Variants in TBCCD1 observed in about 807,000 individuals in gnomAD.
TBCCD1 encodes the protein TBCC domain-containing protein 1.
A neutral mutation model predicts 53.4 loss-of-function variants in TBCCD1; 26 were observed. The observed-to-expected ratio is 0.49, with a 90% CI of 0.36 to 0.68. The LOEUF (loss-of-function observed/expected upper bound fraction) is 0.68. Ranked by LOEUF, TBCCD1 falls within the 30% of genes least tolerant of loss-of-function variation. The pLI, the probability that TBCCD1 is intolerant of heterozygous loss-of-function variation, is 0.00. For missense variants in TBCCD1, 558 were observed against 669.5 expected (o/e 0.83, Z 1.84); for synonymous variants, 245 against 241.7 (o/e 1.01, Z -0.13).
intron 1 of TBCCD1, among the ~76,000 whole-genome samples, chr3:186,564,957 G>A (rs1714784281): frequency 6.6e-6 from 1 of 152,128 alleles, no homozygotes; most frequent in Non-Finnish European, 1.5e-5. Context: ...ATCCTGCTCA[G>A]TTCAGGTGTG....
chr3:186,556,693 A>T lies in TBCCD1; in HGVS notation c.575T>A (p.Leu192His). ...ATGGGTTGAATGAAATGATGCAGTG[A>T]GTTGTTTTGGATCTAAAAGCAGCTC... is the stretch of plus-strand genomic sequence containing the variant. ...LLELLLDPKQ[L>H]TASFHSTHSS... Residue 192 changes from leucine (L) to histidine (H), a missense_variant, in exon 4 of 8, where the codon CTC (leucine) becomes CAC (histidine). Physicochemically the swap from Leu to His is moderately conservative, Grantham distance 99. Transcript: ENST00000338733. The T allele has an allele frequency of 6.2e-7, 1 of 1,614,164 alleles. No homozygotes were observed. The highest frequency in any genetic ancestry group is 8.5e-7 in the Non-Finnish European group (1 of 1,180,034).
intron 5 of TBCCD1, 61 bp from the exon 6 acceptor site, chr3:186,554,812 A>T: frequency 6.3e-7 from 1 of 1,592,954 alleles, no homozygotes; most frequent in Admixed American, 1.9e-5. Flanking sequence ...TTTGACTAAA[A>T]TATTATTATC....
chr3:186,548,347 G>C (rs549155903), intron 7 of TBCCD1, among the ~76,000 whole-genome samples: 8 of 152,328 alleles, frequency 5.3e-5, no homozygotes, highest in African/African-American at 1.9e-4. Context: ...AAGGACTAAG[G>C]GGAAGAGGAA....
Position 186,563,994 on chromosome 3 carries a change from C to A in TBCCD1, c.336G>T (p.Gln112His), listed in dbSNP as rs1714753664. Residue 112 changes from glutamine (Q) to histidine (H), a missense_variant and splice_region_variant, in exon 2 of 8, where the codon CAG becomes CAT. Transcript: ENST00000338733. ...AGTATACACACATATCAATCCGTACCTGATTTCTCTGCTTTTCAACTTCCT... is the reference window on the plus strand; with the variant it reads ...AGTATACACACATATCAATCCGTACATGATTTCTCTGCTTTTCAACTTCCT... Reference protein sequence around the residue: ...SEEEVEKQRNQLSVDTLQFLL... With the variant: ...SEEEVEKQRNHLSVDTLQFLL... 2 of 1,604,442 alleles carry A rather than the reference C, an allele frequency of 1.2e-6. No individual in the cohort carries two copies. Among genetic ancestry groups the A allele is most frequent in the Admixed American group, 3.4e-5 (2 of 59,164 alleles).
chr3:186,557,615 A>G (rs1437552922), intron 3 of TBCCD1, among the ~76,000 whole-genome samples: 1 of 152,228 alleles, frequency 6.6e-6, no homozygotes, highest in African/African-American at 2.4e-5. Context: ...TTGAATGAAT[A>G]AGTTAAGAGA....
In TBCCD1 at chr3:186,555,208, A is replaced by G. The variant is rs1578968240; in HGVS notation, c.860-124T>C. On this transcript the variant is annotated intron_variant, in intron 4 of 7. Coordinates refer to ENST00000338733, the MANE Select transcript of TBCCD1 (RefSeq NM_018138.5). ...TTAGATACCACATGTAGGGACAAAAACGTTAGATCTGGGCTTTGGATAGAG... is the reference window on the plus strand; with the variant it reads ...TTAGATACCACATGTAGGGACAAAAGCGTTAGATCTGGGCTTTGGATAGAG... The G allele has an allele frequency of 1.6e-5, 13 of 832,912 alleles. No homozygotes were observed. In the East Asian group the frequency reaches 3.9e-4, roughly 25 times the overall value. The allele number at this position is 832,912 out of a possible 1,614,324, so 51.6% of individuals were successfully genotyped here.
chr3:186,550,327 G>A (rs548379740), intron 7 of TBCCD1, among the ~76,000 whole-genome samples: 2 of 151,894 alleles, frequency 1.3e-5, no homozygotes, highest in Admixed American at 1.3e-4. Context: ...GTTTATGCCT[G>A]TACTCCCATC....
In TBCCD1 at chr3:186,567,336, C is replaced by G. The variant is rs959673376; in HGVS notation, c.-113G>C. The G allele has an allele frequency of 6.6e-6, 1 of 152,552 alleles. No homozygotes were observed. The highest frequency in any genetic ancestry group is 2.4e-5 in the African/African-American group (1 of 41,466). The allele number at this position is 152,552 out of a possible 1,614,324, so 9.4% of individuals were successfully genotyped here. Reference sequence around the variant, plus strand: ...CGCGCCCGGCGTCCGCTCGCTGGGCCCGCCCCTCACCCTCCTCCGCGCGCC... The same window carrying G: ...CGCGCCCGGCGTCCGCTCGCTGGGCGCGCCCCTCACCCTCCTCCGCGCGCC... On this transcript the variant is annotated 5_prime_UTR_variant, in exon 1 of 8. Coordinates refer to ENST00000338733, the MANE Select transcript of TBCCD1 (RefSeq NM_018138.5).
At chr3:186,558,369 C>A in intron 3 of TBCCD1, 48 bp downstream of exon 3, 1 of 1,569,584 alleles carries the variant, frequency 6.4e-7, no homozygotes. Context: ...AACCATCTCC[C>A]ACACAAATTG....
rs758068048 is a variant in TBCCD1, at chr3:186,556,551, A to G, written c.717T>C (p.His239=). ...LHELALWQPL[H]ADSGFSKISK... is the part of the protein sequence containing the mutation. Reference sequence around the variant, plus strand: ...AGATCTTTGAGAAGCCACTATCTGCATGCAGTGGTTGCCACAGTGCAAGTT... The same window carrying G: ...AGATCTTTGAGAAGCCACTATCTGCGTGCAGTGGTTGCCACAGTGCAAGTT... The change falls in exon 4 of 8, where the codon CAT becomes CAC. Residue 239 remains histidine, a synonymous_variant. Coordinates refer to ENST00000338733, the MANE Select transcript of TBCCD1 (RefSeq NM_018138.5). 1.2e-4 allele frequency: 197 copies of G among 1,614,102 alleles called. No homozygotes were observed. The highest frequency in any genetic ancestry group is 3.2e-4 in the Admixed American group (19 of 60,002).
Position 186,556,920 on chromosome 3 carries a change from G to T in TBCCD1, c.493-145C>A, listed in dbSNP as rs905224258. The T allele has an allele frequency of 8.2e-6, 8 of 978,194 alleles. No homozygotes were observed. In the South Asian group the frequency reaches 9.9e-5, roughly 12 times the overall value. The allele number at this position is 978,194 out of a possible 1,614,324, so 60.6% of individuals were successfully genotyped here. ...TATATAAACCTTATAAAGGTGATCC[G>T]CCCGGCTTGGCCTCAGAATTTCTAA... On this transcript the variant is annotated intron_variant, in intron 3 of 7. Transcript: ENST00000338733.
chr3:186,565,294 A>G (rs1714797032), intron 1 of TBCCD1, among the ~76,000 whole-genome samples: 1 of 152,006 alleles, frequency 6.6e-6, no homozygotes, highest in African/African-American at 2.4e-5. Context: ...TATTTTTAGT[A>G]GAGATGGGGT....
chr3:186,570,307 C>T (rs1714979487), upstream of TBCCD1: 2 of 542,656 alleles, frequency 3.7e-6, no homozygotes, highest in Non-Finnish European at 3.3e-6. Context: ...CGGAGCGTAG[C>T]TGGGTATGAA....
In TBCCD1 at chr3:186,546,460, T is replaced by C. The variant is rs1397478424; in HGVS notation, c.*517A>G. On this transcript the variant is annotated 3_prime_UTR_variant, in exon 8 of 8. Coordinates refer to ENST00000338733, the MANE Select transcript of TBCCD1 (RefSeq NM_018138.5). ...TGATGTTCTATAAGCAATATGTTTA[T>C]ATGAAAGTCAGAAGTTTAGCGAAAA... 6.6e-6 allele frequency: 1 copy of C among 152,216 alleles called. No individual in the cohort carries two copies. The highest frequency in any genetic ancestry group is 1.5e-5 in the Non-Finnish European group (1 of 68,042). The allele number at this position is 152,216 out of a possible 1,614,324, so 9.4% of individuals were successfully genotyped here.
intron 6 of TBCCD1, 73 bp from the exon 7 acceptor site, chr3:186,551,352 C>T (rs1578964678): frequency 7.4e-7 from 1 of 1,351,628 alleles, no homozygotes; most frequent in Non-Finnish European, 1.0e-6. Flanking sequence ...AGCAATTATA[C>T]AATATTTTAA....
intron 2 of TBCCD1, among the ~76,000 whole-genome samples, chr3:186,559,216 T>C (rs1053507973): frequency 6.6e-6 from 1 of 152,124 alleles, no homozygotes; most frequent in Admixed American, 6.5e-5. Context: ...ACCTTAGTAA[T>C]TTGAATAAAT....
At position 186,556,612 on chromosome 3, in the gene TBCCD1, G is replaced by A. The variant is rs1200686829; in HGVS notation, c.656C>T (p.Thr219Ile). 1 of 1,614,158 alleles carries A rather than the reference G, an allele frequency of 6.2e-7. No individual in the cohort carries two copies. The highest frequency in any genetic ancestry group is 1.7e-5 in the Admixed American group (1 of 60,012). Residue 219 changes from threonine (T) to isoleucine (I), a missense_variant, in exon 4 of 8, where the codon ACA becomes ATA. Thr to Ile is a moderately conservative substitution (Grantham distance 89, BLOSUM62 -1). Coordinates refer to ENST00000338733, the MANE Select transcript of TBCCD1 (RefSeq NM_018138.5). The stretch of plus-strand genomic sequence containing the variant: ...ATAGATCTTCCTGGCTCTACTTATT[G>A]TACCTTCAATAAGGAAGCTGAGCGC... The part of the protein sequence containing the change: ...VVALSFLIEG[T>I]ISRARKIYPL...
chr3:186,560,475 G>A (rs1231178924), intron 2 of TBCCD1, among the ~76,000 whole-genome samples: 1 of 152,178 alleles, frequency 6.6e-6, no homozygotes, highest in Non-Finnish European at 1.5e-5. Context: ...TTTGGAGTTA[G>A]ATATGGCATA....
intron 1 of TBCCD1, among the ~76,000 whole-genome samples, chr3:186,566,266 C>T (rs894697738): frequency 6.6e-6 from 1 of 152,140 alleles, no homozygotes; most frequent in Non-Finnish European, 1.5e-5. Context: ...TCTTGAACTC[C>T]CTGACCTCAG....
Sources: gnomAD v4.1 joint callset for allele counts (sites outside exome capture counted in the v4.1 genomes callset) on GRCh38, gnomAD v4.1.1 for gene constraint, MANE v1.5 for transcripts, NCBI Gene and HGNC (gene_info 2026-07-23, HGNC 2026-07-21) for gene names.